Variants in FAT1 observed in about 807,000 individuals in gnomAD.
The protein encoded by FAT1 is FAT atypical cadherin 1, also known as protocadherin Fat 1.
Under a neutral mutation model 329.8 loss-of-function variants are expected in FAT1, and 171 were observed. The observed-to-expected ratio is 0.52, with a 90% CI of 0.46 to 0.59. The LOEUF is 0.59. Among genes scored for constraint, FAT1 ranks in the 20% least tolerant of loss-of-function variants. The pLI, the probability that FAT1 is intolerant of heterozygous loss-of-function variation, is 0.00. For missense variants in FAT1, 5,672 were observed against 5,774.4 expected (o/e 0.98, Z 0.57); for synonymous variants, 2,233 against 2,228.6 (o/e 1.00, Z -0.06).
chr4:186,675,303 A>C (rs947273904), intron 2 of FAT1, among the ~76,000 whole-genome samples: 2 of 145,732 alleles, frequency 1.4e-5, no homozygotes, highest in Admixed American at 7.0e-5. Context: ...AAATCTCATT[A>C]AGAAAAAAAA....
intron 2 of FAT1, among the ~76,000 whole-genome samples, chr4:186,697,677 A>T (rs1241302968): frequency 6.6e-6 from 1 of 152,218 alleles, no homozygotes; most frequent in Non-Finnish European, 1.5e-5. Flanking sequence ...TCTCTATTAC[A>T]TTAAGCACCA....
intron 2 of FAT1, among the ~76,000 whole-genome samples, chr4:186,670,235 C>T (rs145911300): frequency 1.6e-3 from 242 of 152,260 alleles, no homozygotes; most frequent in African/African-American, 5.6e-3. Context: ...AATTTGCAAA[C>T]GCTACCCTCC....
chr4:186,609,635 A>G (rs1193422809), intron 15 of FAT1, among the ~76,000 whole-genome samples, 166 bp downstream of exon 15: 1 of 152,126 alleles, frequency 6.6e-6, no homozygotes, highest in African/African-American at 2.4e-5. Context: ...GTTTTAACAC[A>G]ATTATTCATA....
At chr4:186,661,901 C>T (rs544796517) in intron 3 of FAT1, among the ~76,000 whole-genome samples, 2 of 152,106 alleles carry the variant, frequency 1.3e-5, no homozygotes, top group Non-Finnish European at 2.9e-5. Context: ...CTCTTGGGAA[C>T]TGAGCCCTTA....
chr4:186,677,608 G>A (rs1041922253), intron 2 of FAT1, among the ~76,000 whole-genome samples: 19 of 151,872 alleles, frequency 1.3e-4, no homozygotes, highest in African/African-American at 4.6e-4. Flanking sequence ...AAATTGAGAG[G>A]TAAGCAATCA....
chr4:186,597,855 C>T lies in FAT1; in HGVS notation c.12258-63G>A, dbSNP rs890546842. On this transcript the variant is annotated intron_variant, in intron 23 of 26. Transcript: ENST00000441802. ...CCTATTGCAAATAAATACAGCAAAA[C>T]AGAAAGCAAAACAGAACACATTAGC... is the stretch of plus-strand genomic sequence containing the variant. 9 of 1,575,818 alleles carry T rather than the reference C, an allele frequency of 5.7e-6. No individual in the cohort carries two copies. In the African/African-American group the frequency reaches 1.2e-4, roughly 21 times the overall value.
chr4:186,708,688 A>C lies in FAT1; in HGVS notation c.1140T>G (p.Ala380=), dbSNP rs1256446102. The C allele has an allele frequency of 3.1e-6, 5 of 1,613,846 alleles. No homozygotes were observed. Among genetic ancestry groups the C allele is most frequent in the Non-Finnish European group, 4.2e-6 (5 of 1,179,888 alleles). ...CCATGACCACAGGTGTGTTGGGAGG[A>C]GCAAATTCACTTATTTCTGCTCTGT... ...DVYRAEISEF[A]PPNTPVVMVK... is the part of the protein sequence containing the mutation. Residue 380 remains alanine, a synonymous_variant, in exon 2 of 27, where the codon GCT becomes GCG. Coordinates refer to ENST00000441802, the MANE Select transcript of FAT1 (RefSeq NM_005245.4).
rs2126686944 is a variant in FAT1, at chr4:186,707,251, G to C, written c.2577C>G (p.Tyr859Ter). The C allele has an allele frequency of 6.2e-7, 1 of 1,613,956 alleles. No homozygotes were observed. The highest frequency in any genetic ancestry group is 8.5e-7 in the Non-Finnish European group (1 of 1,179,888). Reference sequence around the variant, plus strand: ...ATGTGTCTGTGTCTGTAACAATTGAGTACGTCACGTGTCCGTTGGGCCCCA... The same window carrying C: ...ATGTGTCTGTGTCTGTAACAATTGACTACGTCACGTGTCCGTTGGGCCCCA... ...KDLGPNGHVTYSIVTDTDTFS... is the reference protein window; with the variant it reads ...KDLGPNGHVT The change falls in exon 2 of 27, where the codon TAC becomes TAG. Residue 859 changes from tyrosine (Y) to a stop codon, truncating the protein, a stop_gained. Coordinates refer to ENST00000441802, the MANE Select transcript of FAT1 (RefSeq NM_005245.4). LOFTEE classifies it high-confidence loss of function.
rs1223144744 is a variant in FAT1 at position 186,648,118 on chromosome 4, T to C, written c.3581-8335A>G. 3.3e-5 allele frequency among the ~76,000 whole-genome samples: 5 copies of C among 152,196 alleles called. No homozygotes were observed. In the East Asian group the frequency reaches 9.7e-4, roughly 30 times the overall value. On this transcript the variant is annotated intron_variant, in intron 3 of 26. Transcript: ENST00000441802. ...TCCTGTGCACAGAAGCTGTGACACGTTCAACCCTGACATATTACTTCTGGC... is the reference window on the plus strand; with the variant it reads ...TCCTGTGCACAGAAGCTGTGACACGCTCAACCCTGACATATTACTTCTGGC...
At chr4:186,722,988 A>G (rs1396582911) in intron 1 of FAT1, among the ~76,000 whole-genome samples, 1 of 152,230 alleles carries the variant, frequency 6.6e-6, no homozygotes, top group African/African-American at 2.4e-5. Context: ...TGCAATTCAC[A>G]TCAGCGGGAA....
intron 16 of FAT1, 58 bp downstream of exon 16, chr4:186,609,125 A>G: frequency 6.3e-7 from 1 of 1,582,346 alleles, no homozygotes; most frequent in East Asian, 2.2e-5. Flanking sequence ...AGCACAAGGC[A>G]TTTCTAGTTA....
intron 2 of FAT1, among the ~76,000 whole-genome samples, chr4:186,681,288 A>G (rs539057796): frequency 6.6e-6 from 1 of 152,234 alleles, no homozygotes; most frequent in African/African-American, 2.4e-5. Context: ...AAAGTGGGAG[A>G]TATATGGGTT....
At chr4:186,664,707 C>T (rs1158052565) in intron 2 of FAT1, among the ~76,000 whole-genome samples, 2 of 152,146 alleles carry the variant, frequency 1.3e-5, no homozygotes, top group African/African-American at 4.8e-5. Flanking sequence ...GGTGCAATCT[C>T]GCCCTTTGTC....
intron 6 of FAT1, among the ~76,000 whole-genome samples, chr4:186,634,752 G>A (rs75068581): frequency 0.033 from 4,970 of 152,280 alleles, 269 homozygotes; most frequent in African/African-American, 0.11. Context: ...TGTACAGGTC[G>A]GGTCACAAGT....
chr4:186,684,896 T>C (rs1743392514), intron 2 of FAT1, among the ~76,000 whole-genome samples: 1 of 152,234 alleles, frequency 6.6e-6, no homozygotes, highest in African/African-American at 2.4e-5. Flanking sequence ...TCTCTTCTTA[T>C]TTCGGCAACT....
intron 7 of FAT1, among the ~76,000 whole-genome samples, chr4:186,630,965 G>A (rs921960654): frequency 3.3e-5 from 5 of 152,120 alleles, no homozygotes; most frequent in African/African-American, 7.2e-5. Context: ...AATCAATGGC[G>A]GTCAGCATCC....
In FAT1 at chr4:186,645,899, G is replaced by A. The variant is rs534221771; in HGVS notation, c.3581-6116C>T. Among the ~76,000 whole-genome samples, 4 of 148,088 alleles carry A rather than the reference G, an allele frequency of 2.7e-5. 1 individual carries two copies. Among genetic ancestry groups the A allele is most frequent in the African/African-American group, 1.0e-4 (4 of 39,822 alleles). ...AAGCCGAGGTTGCAGTGAGCTGAGG[G>A]CGGACCACTGCAATTGAGCTTAGGT... On this transcript the variant is annotated intron_variant, in intron 3 of 26. Transcript: ENST00000441802.
intron 2 of FAT1, among the ~76,000 whole-genome samples, chr4:186,682,578 G>T (rs1743281183): frequency 6.7e-6 from 1 of 148,900 alleles, no homozygotes; most frequent in African/African-American, 2.5e-5. Flanking sequence ...TGATGCGTAT[G>T]CATGAAGACA....
At position 186,614,220 on chromosome 4, in the gene FAT1, G is replaced by C. The variant is rs1454738324; in HGVS notation, c.9200C>G (p.Ala3067Gly). Residue 3067 changes from alanine to glycine, a missense_variant, in exon 12 of 27, where the codon GCA becomes GGA. By Grantham distance (60) the Ala-to-Gly change is moderately conservative. Transcript: ENST00000441802. ...GTCTGGATTTAGTTTGAATTTTTCT[G>C]CACCTGAACCCAATAACGTGTAAGT... ...EITYTLLGSG[A>G]EKFKLNPDTG... is the part of the protein sequence containing the mutation. The C allele has an allele frequency of 6.3e-7, 1 of 1,599,964 alleles. No homozygotes were observed. Among genetic ancestry groups the C allele is most frequent in the South Asian group, 1.1e-5 (1 of 87,616 alleles).
Sources: gnomAD v4.1 joint callset for allele counts (sites outside exome capture counted in the v4.1 genomes callset) on GRCh38, gnomAD v4.1.1 for gene constraint, MANE v1.5 for transcripts, NCBI Gene and HGNC (gene_info 2026-07-23, HGNC 2026-07-21) for gene names.